The following CYP3A4 variants were observed in gnomAD, a reference collection of about 807,000 sequenced individuals.
CYP3A4 encodes the protein cytochrome P450 3A4.
CYP3A4 carries 41 observed loss-of-function variants against 54.9 expected under a neutral mutation model. The ratio of observed to expected loss-of-function variants is 0.75; its 90% confidence interval spans 0.58 to 0.97. The LOEUF (loss-of-function observed/expected upper bound fraction) is 0.97, where lower values mean the gene tolerates loss of function less well. CYP3A4 is among the 50% of genes least tolerant of loss of function. The pLI, the probability that CYP3A4 is intolerant of heterozygous loss-of-function variation, is 0.00. For missense variants in CYP3A4, 510 were observed against 597.3 expected (o/e 0.85, Z 1.52); for synonymous variants, 179 against 205.2 (o/e 0.87, Z 1.09).
At chr7:99,771,986 T>C (rs1170417188) in intron 4 of CYP3A4, among the ~76,000 whole-genome samples, 5 of 152,182 alleles carry the variant, frequency 3.3e-5, no homozygotes, top group African/African-American at 1.2e-4. Flanking sequence ...ACTTTATGAC[T>C]TTTAGAAAAA....
chr7:99,765,674 G>C (rs1815460827), intron 9 of CYP3A4, among the ~76,000 whole-genome samples: 1 of 152,164 alleles, frequency 6.6e-6, no homozygotes, highest in African/African-American at 2.4e-5. Context: ...TTGGTGGCTT[G>C]TAATTGACCA....
At chr7:99,761,110 T>C (rs772042700) in intron 11 of CYP3A4, 129 bp from the exon 12 acceptor site, 44 of 1,025,502 alleles carry the variant, frequency 4.3e-5, no homozygotes, top group South Asian at 1.8e-4. Context: ...GGGCTGGTCA[T>C]TGAAATCCTG....
chr7:99,767,731 T>C (rs1203598282), intron 7 of CYP3A4, among the ~76,000 whole-genome samples: 1 of 152,070 alleles, frequency 6.6e-6, no homozygotes, highest in Non-Finnish European at 1.5e-5. Flanking sequence ...TATGTGGAAG[T>C]TAAATAATAA....
intron 4 of CYP3A4, 89 bp downstream of exon 4, chr7:99,772,501 T>C (rs2015751023): frequency 6.5e-7 from 1 of 1,549,274 alleles, no homozygotes; most frequent in Non-Finnish European, 8.8e-7. Context: ...TTCCTGGACA[T>C]TTTTTAGGCA....
Position 99,767,264 on chromosome 7 carries a change from G to A in CYP3A4, c.671-6C>T, listed in dbSNP as rs767983016. On this transcript the variant is annotated splice_polypyrimidine_tract_variant and splice_region_variant and intron_variant, in intron 7 of 12. Coordinates refer to ENST00000651514, the MANE Select transcript of CYP3A4 (RefSeq NM_017460.6). ...GATGAGGAATGGAAAGACTGCTGTA[G>A]GAAAAACAAAACAAAAACAGAAAAA... The A allele has an allele frequency of 6.4e-7, 1 of 1,561,980 alleles. No individual in the cohort carries two copies. Among genetic ancestry groups the A allele is most frequent in the South Asian group, 1.2e-5 (1 of 82,340 alleles).
rs1032796702 is a variant in CYP3A4 at position 99,766,751 on chromosome 7, G to A, written c.799-308C>T. On this transcript the variant is annotated intron_variant, in intron 8 of 12. Coordinates refer to ENST00000651514, the MANE Select transcript of CYP3A4 (RefSeq NM_017460.6). Reference sequence around the variant, plus strand: ...AAAATAACAGGTTTGTACTTGAAATGAGTCTTTACCAATTTATGATCTGGG... The same window carrying A: ...AAAATAACAGGTTTGTACTTGAAATAAGTCTTTACCAATTTATGATCTGGG... The A allele has an allele frequency of 7.3e-6, 3 of 412,198 alleles. No individual in the cohort carries two copies. The Admixed American group carries it at 1.2e-4, about 17-fold the overall frequency. 25.5% of individuals were successfully genotyped at this position (412,198 alleles called of 1,614,324 possible). A position where few individuals can be genotyped will look rare whatever the true frequency, so the allele number is the denominator to read the frequency against.
intron 1 of CYP3A4, among the ~76,000 whole-genome samples, chr7:99,780,496 C>G (rs1815892979): frequency 6.6e-6 from 1 of 152,076 alleles, no homozygotes. Context: ...TTTTTGTCTT[C>G]CGCAGTGATG....
chr7:99,773,885 T>C (rs533768494), intron 3 of CYP3A4, among the ~76,000 whole-genome samples: 245 of 152,014 alleles, frequency 1.6e-3, no homozygotes, highest in South Asian at 5.0e-3. Context: ...AACAAACCCT[T>C]CAAAAAATCA....
Position 99,761,475 on chromosome 7 carries a change from C to CT in CYP3A4, c.1254-495_1254-494insA, listed in dbSNP as rs28988596. 2.7e-3 allele frequency among the ~76,000 whole-genome samples: 404 copies of CT among 152,002 alleles called. 1 individual carries two copies. The highest frequency in any genetic ancestry group is 0.011 in the East Asian group (57 of 5,178). On this transcript the variant is annotated intron_variant, in intron 11 of 12. Transcript: ENST00000651514. ...CCTTCTCCTCCTTACCTTGTCTTCT[C>CT]CCTCCTTCTCCTCCTTCTTCTTCTC...
intron 8 of CYP3A4, 107 bp downstream of exon 8, chr7:99,767,024 T>TA (rs1197976904): frequency 1.0e-5 from 11 of 1,075,522 alleles, no homozygotes; most frequent in Non-Finnish European, 1.3e-5. Context: ...GTCTTCATGT[T>TA]AAAAGCATTC....
intron 2 of CYP3A4, among the ~76,000 whole-genome samples, chr7:99,779,755 A>G (rs1199633901): frequency 6.6e-6 from 1 of 152,212 alleles, no homozygotes; most frequent in East Asian, 1.9e-4. Context: ...AGTTCTGAGC[A>G]TCAGGTTGCT....
chr7:99,777,098 C>A (rs1478925745), intron 3 of CYP3A4, among the ~76,000 whole-genome samples: 2 of 152,096 alleles, frequency 1.3e-5, no homozygotes, highest in East Asian at 1.9e-4. Flanking sequence ...ATCTCTCAAC[C>A]CTTCATTCAA....
At chr7:99,772,771 T>C in intron 3 of CYP3A4, 82 bp from the exon 4 acceptor site, 1 of 1,416,112 alleles carries the variant, frequency 7.1e-7, no homozygotes, top group Non-Finnish European at 9.9e-7. Context: ...CAGACTTTGA[T>C]CCTGACTTTA....
At chr7:99,774,199 A>G (rs1399441638) in intron 3 of CYP3A4, among the ~76,000 whole-genome samples, 1 of 152,200 alleles carries the variant, frequency 6.6e-6, no homozygotes, top group African/African-American at 2.4e-5. Context: ...GGCAATTATT[A>G]ATAGGCTACC....
chr7:99,783,807 C>T (rs34166832), intron 1 of CYP3A4, among the ~76,000 whole-genome samples: 23 of 152,170 alleles, frequency 1.5e-4, no homozygotes, highest in Non-Finnish European at 2.9e-4. Context: ...CAGAGTTTCA[C>T]CATGTTAGCC....
intron 10 of CYP3A4, among the ~76,000 whole-genome samples, chr7:99,762,946 T>C (rs1365691047): frequency 6.6e-6 from 1 of 152,206 alleles, no homozygotes; most frequent in Non-Finnish European, 1.5e-5. Context: ...AGAATCCCAA[T>C]TTTGGCAGAG....
chr7:99,769,771 T>C lies in CYP3A4; in HGVS notation c.518A>G (p.Lys173Arg), dbSNP rs1166594322. 1.2e-6 allele frequency: 2 copies of C among 1,613,890 alleles called. No homozygotes were observed. Among genetic ancestry groups the C allele is most frequent in the Non-Finnish European group, 1.7e-6 (2 of 1,179,850 alleles). ...CCATGGCTGCGCTTCTACTTACTCT[T>C]TCAAGGTGACAGGCTTGCCTGTCTC... ...EAETGKPVTLKDVFGAYSMDV... is the reference protein window; with the variant it reads ...EAETGKPVTLRDVFGAYSMDV... Residue 173 changes from lysine (K) to arginine (R), a missense_variant, in exon 6 of 13, where the codon AAA (lysine) becomes AGA (arginine). Coordinates refer to ENST00000651514, the MANE Select transcript of CYP3A4 (RefSeq NM_017460.6).
chr7:99,760,482 CACA>C (rs147111602), intron 12 of CYP3A4, among the ~76,000 whole-genome samples: 1,543 of 152,330 alleles, frequency 0.01, 30 homozygotes, highest in African/African-American at 0.035. Flanking sequence ...ATTCAAAAGT[CACA>C]ACAAGGTAAT....
At chr7:99,761,051 TCTTA>T in intron 11 of CYP3A4, 70 bp from the exon 12 acceptor site, 3 of 1,549,216 alleles carry the variant, frequency 1.9e-6, no homozygotes, top group Non-Finnish European at 2.6e-6. Flanking sequence ...TGTTAGGGTT[TCTTA>T]CTTAGGGGCC....
Sources: gnomAD v4.1 joint callset for allele counts (sites outside exome capture counted in the v4.1 genomes callset) on GRCh38, gnomAD v4.1.1 for gene constraint, MANE v1.5 for transcripts, NCBI Gene and HGNC (gene_info 2026-07-23, HGNC 2026-07-21) for gene names.